Variants in MSI2 observed in about 807,000 individuals in gnomAD.
MSI2 encodes the protein RNA-binding protein Musashi homolog 2.
A neutral mutation model predicts 45.6 loss-of-function variants in MSI2; 17 were observed. That is an observed-to-expected ratio of 0.37 (90% CI 0.26 to 0.56). MSI2 has a LOEUF of 0.56. MSI2 is among the 20% of genes least tolerant of loss of function. The pLI is 0.77. For synonymous variants in MSI2, 156 were observed against 158.2 expected (o/e 0.99, Z 0.11); for missense variants, 293 against 444.2 (o/e 0.66, Z 3.06).
chr17:57,333,094 A>G lies in MSI2; in HGVS notation c.313-68285A>G, dbSNP rs1249609524. On this transcript the variant is annotated intron_variant, in intron 5 of 13. Coordinates refer to ENST00000284073, the MANE Select transcript of MSI2 (RefSeq NM_138962.4). ...CCAGGGCTCAAATCCTGGCTGTCTC[A>G]CTTTAGTGGCTGTGTGACCTGGAAA... 2.0e-5 allele frequency among the ~76,000 whole-genome samples: 3 copies of G among 152,042 alleles called. No individual in the cohort carries two copies. In the East Asian group the frequency reaches 5.8e-4, roughly 29 times the overall value.
intron 5 of MSI2, among the ~76,000 whole-genome samples, chr17:57,289,384 G>A (rs977455723): frequency 3.9e-5 from 6 of 152,066 alleles, no homozygotes; most frequent in African/African-American, 1.2e-4. Context: ...AGCTCCACGA[G>A]TTTGATTTGC....
At chr17:57,258,542 TC>T (rs755760656) in intron 4 of MSI2, among the ~76,000 whole-genome samples, 188 bp downstream of exon 4, 16 of 152,244 alleles carry the variant, frequency 1.1e-4, no homozygotes, top group Non-Finnish European at 2.1e-4. Flanking sequence ...TTAGAGCCTG[TC>T]CCATTGCAGC....
At chr17:57,692,127 T>C in the MSI2 span, among the ~76,000 whole-genome samples, 1 of 152,218 alleles carries the variant, frequency 6.6e-6, no homozygotes, top group African/African-American at 2.4e-5. Context: ...TTTTATACTT[T>C]AATCTGCTGA....
rs146971220 is a variant in MSI2 at position 57,476,891 on chromosome 17, C to G, written c.406-52785C>G. Among the ~76,000 whole-genome samples, 620 of 152,234 alleles carry G rather than the reference C, an allele frequency of 4.1e-3. 9 individuals are homozygous for G. The highest frequency in any genetic ancestry group is 0.027 in the South Asian group (132 of 4,812). ...CCTGGTTCTCCTCCCAGTCCCCATG[C>G]CCCAACCCATCTAGACCTGTCTGTT... On this transcript the variant is annotated intron_variant, in intron 6 of 13. Coordinates refer to ENST00000284073, the MANE Select transcript of MSI2 (RefSeq NM_138962.4).
chr17:57,386,725 C>T (rs2083694070), intron 5 of MSI2, among the ~76,000 whole-genome samples: 1 of 152,220 alleles, frequency 6.6e-6, no homozygotes, highest in African/African-American at 2.4e-5. Flanking sequence ...TGACCATGGC[C>T]CTCCCTTATG....
chr17:57,445,218 A>T (rs1457468070), intron 6 of MSI2, among the ~76,000 whole-genome samples: 1 of 152,214 alleles, frequency 6.6e-6, no homozygotes, highest in African/African-American at 2.4e-5. Flanking sequence ...AGATGATCCC[A>T]GAAAAGCTTC....
chr17:57,443,300 CAG>C (rs1426508499), intron 6 of MSI2, among the ~76,000 whole-genome samples: 1 of 152,200 alleles, frequency 6.6e-6, no homozygotes, highest in Non-Finnish European at 1.5e-5. Flanking sequence ...CAAGGTTCAG[CAG>C]AGTCTTGGGC....
rs1910751855 is a variant in MSI2, at chr17:57,647,349, T to C, written c.728-4750T>C. Among the ~76,000 whole-genome samples the C allele has an allele frequency of 3.4e-5, 5 of 147,848 alleles. No homozygotes were observed. In the South Asian group the frequency reaches 1.1e-3, roughly 32 times the overall value. ...CTGTCATCCCAGCTACTTGGAAGGCTGTGACATGAGAATTGCTTGAACCCT... is the reference window on the plus strand; with the variant it reads ...CTGTCATCCCAGCTACTTGGAAGGCCGTGACATGAGAATTGCTTGAACCCT... On this transcript the variant is annotated intron_variant, in intron 10 of 13. Transcript: ENST00000284073.
At chr17:57,497,841 T>G (rs924045501) in intron 6 of MSI2, among the ~76,000 whole-genome samples, 1 of 152,196 alleles carries the variant, frequency 6.6e-6, no homozygotes, top group Non-Finnish European at 1.5e-5. Flanking sequence ...TCAGCCCTGG[T>G]GTTCCCATAG....
intron 6 of MSI2, among the ~76,000 whole-genome samples, chr17:57,406,191 C>T (rs1308847517): frequency 6.6e-6 from 1 of 152,140 alleles, no homozygotes; most frequent in African/African-American, 2.4e-5. Flanking sequence ...TGTATATAGG[C>T]CATTCCAAAA....
At chr17:57,320,088 T>G (rs918764207) in intron 5 of MSI2, among the ~76,000 whole-genome samples, 1 of 152,196 alleles carries the variant, frequency 6.6e-6, no homozygotes, top group Admixed American at 6.5e-5. Context: ...TTTCTTCCTT[T>G]GAGTGGGCAC....
At chr17:57,480,916 T>C (rs1425914701) in intron 6 of MSI2, among the ~76,000 whole-genome samples, 1 of 152,160 alleles carries the variant, frequency 6.6e-6, no homozygotes, top group Admixed American at 6.5e-5. Context: ...AACTTCTTCC[T>C]TAGTGGCATG....
At chr17:57,346,295 C>A (rs924565599) in intron 5 of MSI2, among the ~76,000 whole-genome samples, 4 of 151,116 alleles carry the variant, frequency 2.6e-5, no homozygotes, top group Non-Finnish European at 4.4e-5. Context: ...AGCGAAGTAA[C>A]CCCTTCTCAT....
chr17:57,491,545 G>A (rs2085872266), intron 6 of MSI2, among the ~76,000 whole-genome samples: 1 of 152,206 alleles, frequency 6.6e-6, no homozygotes, highest in Admixed American at 6.5e-5. Context: ...TCCTGATGCA[G>A]AGCTCCTGCA....
intron 5 of MSI2, among the ~76,000 whole-genome samples, chr17:57,293,595 G>GTTTTTTTTTTTGTTTTTTTTTTTTT (rs1910646297): frequency 7.4e-6 from 1 of 134,722 alleles, no homozygotes; most frequent in Non-Finnish European, 1.5e-5. Flanking sequence ...TTGTTTTTTT[G>GTTTTTTTTTTTGTTTTTTTTTTTTT]TTTTTTTTTT....
rs552119932 is a variant in MSI2, at chr17:57,329,956, C to T, written c.312+67764C>T. ...TTTGTTTTTGTTTTTTTTTTTTGGT[C>T]AGATAGCCTTATTTAACCTTTCTGT... On this transcript the variant is annotated intron_variant, in intron 5 of 13. Transcript: ENST00000284073. 3.4e-5 allele frequency among the ~76,000 whole-genome samples: 5 copies of T among 146,570 alleles called. No homozygotes were observed. The East Asian group carries it at 5.9e-4, about 17-fold the overall frequency.
chr17:57,282,225 C>G (rs180724969), intron 5 of MSI2, among the ~76,000 whole-genome samples: 418 of 152,144 alleles, frequency 2.7e-3, no homozygotes, highest in Non-Finnish European at 4.7e-3. Flanking sequence ...CTTAGAAGCA[C>G]CCACAGAGGC....
At chr17:57,671,342 A>C (rs1912756243) in intron 11 of MSI2, 1 of 152,204 alleles carries the variant, frequency 6.6e-6, no homozygotes, top group African/African-American at 2.4e-5. Flanking sequence ...TTTATTCAAC[A>C]AAGTGTGCTC....
intron 8 of MSI2, among the ~76,000 whole-genome samples, chr17:57,597,467 A>T (rs942768683): frequency 2.5e-5 from 1 of 40,098 alleles, no homozygotes; most frequent in South Asian, 6.9e-4. Context: ...CTCATCTCTT[A>T]AAAAAAAAAA....
Sources: allele counts gnomAD v4.1 joint callset (sites outside exome capture counted in the v4.1 genomes callset), GRCh38; gene constraint gnomAD v4.1.1; transcripts MANE v1.5; gene names NCBI Gene and HGNC (gene_info 2026-07-23, HGNC 2026-07-21).